LRRC8D: variants seen among roughly 807,000 people sequenced by gnomAD.
The protein encoded by LRRC8D is leucine rich repeat containing 8 VRAC subunit D.
A neutral mutation model predicts 55.8 loss-of-function variants in LRRC8D; 20 were observed. That is an observed-to-expected ratio of 0.36 (90% confidence interval 0.25 to 0.52). The LOEUF (loss-of-function observed/expected upper bound fraction) is 0.52. LRRC8D is among the 20% of genes least tolerant of loss of function. The pLI, the probability that LRRC8D is intolerant of heterozygous loss-of-function variation, is 0.93. For missense variants in LRRC8D, 651 were observed against 1,030.8 expected (o/e 0.63, Z 5.05); for synonymous variants, 352 against 377.0 (o/e 0.93, Z 0.77).
At chr1:89,910,811 G>A (rs1314842943) in intron 2 of LRRC8D, among the ~76,000 whole-genome samples, 1 of 152,162 alleles carries the variant, frequency 6.6e-6, no homozygotes, top group Admixed American at 6.5e-5. Flanking sequence ...TTATTCAGGA[G>A]GGGTAATTTT....
chr1:89,839,380 G>C (rs1434013978), intron 1 of LRRC8D, among the ~76,000 whole-genome samples: 1 of 152,190 alleles, frequency 6.6e-6, no homozygotes. Flanking sequence ...TAGCCACCCT[G>C]GCCCTACCTG....
At chr1:89,825,409 G>A (rs1660739515) in intron 1 of LRRC8D, among the ~76,000 whole-genome samples, 1 of 152,112 alleles carries the variant, frequency 6.6e-6, no homozygotes, top group Non-Finnish European at 1.5e-5. Flanking sequence ...CCTTCCTCTG[G>A]GTCTTTGTAG....
intron 2 of LRRC8D, among the ~76,000 whole-genome samples, chr1:89,844,806 G>A (rs1013067714): frequency 6.6e-6 from 1 of 152,180 alleles, no homozygotes; most frequent in South Asian, 2.1e-4. Context: ...TATCTACCTG[G>A]TGAAACTCTA....
intron 2 of LRRC8D, among the ~76,000 whole-genome samples, chr1:89,879,693 C>A (rs536200218): frequency 1.3e-5 from 2 of 152,242 alleles, no homozygotes; most frequent in African/African-American, 2.4e-5. Context: ...GTTGTATAAT[C>A]ATTTCTTCCC....
intron 2 of LRRC8D, among the ~76,000 whole-genome samples, chr1:89,926,590 C>T (rs928498901): frequency 7.2e-5 from 11 of 152,160 alleles, no homozygotes; most frequent in African/African-American, 1.9e-4. Flanking sequence ...TTGGATGATG[C>T]GTGGTAGAGA....
chr1:89,920,920 AT>A (rs1284652936), intron 2 of LRRC8D, among the ~76,000 whole-genome samples: 1 of 152,106 alleles, frequency 6.6e-6, no homozygotes, highest in African/African-American at 2.4e-5. Context: ...TTCTCATTTG[AT>A]TTATTTCAAT....
At position 89,853,474 on chromosome 1, in the gene LRRC8D, A is replaced by G. The variant is rs182394927; in HGVS notation, c.-3+9692A>G. Reference sequence around the variant, plus strand: ...GGGATGGCCAAAGGATCAAAGACTGAGCAGACAAAAGAAGAGGAAAATCTG... The same window carrying G: ...GGGATGGCCAAAGGATCAAAGACTGGGCAGACAAAAGAAGAGGAAAATCTG... On this transcript the variant is annotated intron_variant, in intron 2 of 2. Coordinates refer to ENST00000337338, the MANE Select transcript of LRRC8D (RefSeq NM_001134479.2). Among the ~76,000 whole-genome samples, 431 of 152,370 alleles carry G rather than the reference A, an allele frequency of 2.8e-3. 2 individuals carry two copies. Among genetic ancestry groups the G allele is most frequent in the African/African-American group, 9.8e-3 (407 of 41,580 alleles).
intron 2 of LRRC8D, among the ~76,000 whole-genome samples, chr1:89,866,743 T>C (rs1453931017): frequency 6.6e-6 from 1 of 152,180 alleles, no homozygotes; most frequent in Non-Finnish European, 1.5e-5. Context: ...CTCTGGCTAT[T>C]TCTGGTTACC....
At chr1:89,923,852 G>A (rs1427889854) in intron 2 of LRRC8D, among the ~76,000 whole-genome samples, 1 of 152,150 alleles carries the variant, frequency 6.6e-6, no homozygotes, top group Non-Finnish European at 1.5e-5. Context: ...TCAATAAATG[G>A]TGCTGGAATA....
intron 2 of LRRC8D, among the ~76,000 whole-genome samples, chr1:89,879,452 A>G (rs1401245681): frequency 1.3e-5 from 2 of 152,190 alleles, no homozygotes; most frequent in South Asian, 2.1e-4. Flanking sequence ...AAAAGCTCAG[A>G]TGATTCTGGT....
In LRRC8D at chr1:89,867,070, G is replaced by A. The variant is rs1661869838; in HGVS notation, c.-3+23288G>A. The stretch of plus-strand genomic sequence containing the variant: ...CACTTAGAGTGTATAATCCAACAGT[G>A]TTTGTAGTACATTTAGAATCATGTG... On this transcript the variant is annotated intron_variant, in intron 2 of 2. Coordinates refer to ENST00000337338, the MANE Select transcript of LRRC8D (RefSeq NM_001134479.2). Among the ~76,000 whole-genome samples, 5 of 152,094 alleles carry A rather than the reference G, an allele frequency of 3.3e-5. No individual in the cohort carries two copies. The South Asian group carries it at 8.3e-4, about 25-fold the overall frequency.
At chr1:89,924,469 G>A (rs1207411462) in intron 2 of LRRC8D, among the ~76,000 whole-genome samples, 1 of 152,168 alleles carries the variant, frequency 6.6e-6, no homozygotes, top group African/African-American at 2.4e-5. Context: ...CTGCTGGTGG[G>A]GATGTAAATT....
At position 89,861,565 on chromosome 1, in the gene LRRC8D, G is replaced by A. The variant is rs1215780921; in HGVS notation, c.-3+17783G>A. 3.3e-5 allele frequency among the ~76,000 whole-genome samples: 5 copies of A among 152,348 alleles called. No homozygotes were observed. In the South Asian group the frequency reaches 6.2e-4, roughly 19 times the overall value. Reference sequence around the variant, plus strand: ...AGGGATTCCCTGAGCTCCTTTGGTAGCATCACTGTCCATGTCACATATCTG... The same window carrying A: ...AGGGATTCCCTGAGCTCCTTTGGTAACATCACTGTCCATGTCACATATCTG... On this transcript the variant is annotated intron_variant, in intron 2 of 2. Transcript: ENST00000337338.
At chr1:89,908,414 G>A (rs1312336060) in intron 2 of LRRC8D, among the ~76,000 whole-genome samples, 1 of 152,084 alleles carries the variant, frequency 6.6e-6, no homozygotes, top group Non-Finnish European at 1.5e-5. Flanking sequence ...CTAGAACCCA[G>A]CCAGCCCTCT....
chr1:89,930,968 A>G (rs1663690214), intron 2 of LRRC8D, among the ~76,000 whole-genome samples: 1 of 150,978 alleles, frequency 6.6e-6, no homozygotes, highest in Admixed American at 6.6e-5. Flanking sequence ...CTACTAAGGT[A>G]CAAAGTTATT....
chr1:89,872,341 G>C (rs1434575691), intron 2 of LRRC8D, among the ~76,000 whole-genome samples: 4 of 152,222 alleles, frequency 2.6e-5, no homozygotes, highest in Non-Finnish European at 5.9e-5. Context: ...ACCACTCATT[G>C]CCAAGGCATA....
intron 2 of LRRC8D, among the ~76,000 whole-genome samples, chr1:89,849,329 A>T (rs758676574): frequency 1.3e-5 from 2 of 152,190 alleles, no homozygotes; most frequent in Non-Finnish European, 2.9e-5. Flanking sequence ...CAACCTAGGC[A>T]TATGGAATTT....
At position 89,832,849 on chromosome 1, in the gene LRRC8D, T is replaced by C. The variant is rs115286991; in HGVS notation, c.-147-10789T>C. Among the ~76,000 whole-genome samples, 759 of 152,350 alleles carry C rather than the reference T, an allele frequency of 5.0e-3. 11 individuals are homozygous for C. The highest frequency in any genetic ancestry group is 0.017 in the African/African-American group (722 of 41,578). On this transcript the variant is annotated intron_variant, in intron 1 of 2. Coordinates refer to ENST00000337338, the MANE Select transcript of LRRC8D (RefSeq NM_001134479.2). ...CCAGTCCTAGTGACGAATCTGGAAA[T>C]AAGACTAGGAAACACTTCACCATGT...
chr1:89,825,900 G>T (rs1249783797), intron 1 of LRRC8D, among the ~76,000 whole-genome samples: 2 of 152,214 alleles, frequency 1.3e-5, no homozygotes, highest in Non-Finnish European at 2.9e-5. Flanking sequence ...GAGAGCTAGA[G>T]GAAAATTTCA....
Sources: gnomAD v4.1 joint callset for allele counts (sites outside exome capture counted in the v4.1 genomes callset) on GRCh38, gnomAD v4.1.1 for gene constraint, MANE v1.5 for transcripts, NCBI Gene and HGNC (gene_info 2026-07-23, HGNC 2026-07-21) for gene names.